Variants in STAG1 observed in about 807,000 individuals in gnomAD.
STAG1 encodes the protein cohesin subunit SA-1.
STAG1 carries 26 observed loss-of-function variants against 170.9 expected under a neutral mutation model. That is an observed-to-expected ratio of 0.15 (90% CI 0.11 to 0.21). STAG1 has a LOEUF of 0.21. Among genes scored for constraint, STAG1 ranks in the 10% least tolerant of loss-of-function variants. The probability of loss-of-function intolerance (pLI) is 1.00; values close to 1 mark genes in which losing one functional copy is unlikely to be tolerated. For missense variants in STAG1, 964 were observed against 1,509.5 expected (o/e 0.64, Z 5.99); for synonymous variants, 514 against 497.7 (o/e 1.03, Z -0.44).
At chr3:136,468,070 G>C (rs910694110) in intron 12 of STAG1, among the ~76,000 whole-genome samples, 1 of 152,152 alleles carries the variant, frequency 6.6e-6, no homozygotes, top group African/African-American at 2.4e-5. Context: ...ATCTAAAATT[G>C]ACAACCTAAC....
intron 5 of STAG1, among the ~76,000 whole-genome samples, chr3:136,562,217 G>C (rs538969607): frequency 6.6e-6 from 1 of 151,738 alleles, no homozygotes; most frequent in South Asian, 2.1e-4. Context: ...GCAGCCACCT[G>C]TCACATTTCT....
At chr3:136,565,112 GAGAA>G (rs1456537156) in intron 5 of STAG1, among the ~76,000 whole-genome samples, 4 of 136,404 alleles carry the variant, frequency 2.9e-5, no homozygotes, top group African/African-American at 8.3e-5. Flanking sequence ...GAGAAAGAGA[GAGAA>G]AGAAAGGAAA....
At chr3:136,398,407 C>T (rs746136387) in intron 22 of STAG1, among the ~76,000 whole-genome samples, 3 of 152,114 alleles carry the variant, frequency 2.0e-5, no homozygotes, top group Admixed American at 6.6e-5. Flanking sequence ...CGTAAGCCAC[C>T]GTGCACGGCC....
At chr3:136,428,859 G>A (rs908359491) in intron 16 of STAG1, among the ~76,000 whole-genome samples, 2 of 152,212 alleles carry the variant, frequency 1.3e-5, no homozygotes, top group African/African-American at 2.4e-5. Flanking sequence ...CACCAGCCAG[G>A]AATGAGGGCT....
In STAG1 at chr3:136,635,942, A is replaced by T. The variant is rs574176483; in HGVS notation, c.-83-4961T>A. 2.0e-5 allele frequency among the ~76,000 whole-genome samples: 3 copies of T among 152,310 alleles called. No homozygotes were observed. The South Asian group carries it at 6.2e-4, about 32-fold the overall frequency. On this transcript the variant is annotated intron_variant, in intron 1 of 33. Coordinates refer to ENST00000383202, the MANE Select transcript of STAG1 (RefSeq NM_005862.3). ...TAGAATCTATATAAGAAAAACAATA[A>T]AATTGTAATGTAAGAAATCCAGAGG...
intron 7 of STAG1, among the ~76,000 whole-genome samples, chr3:136,504,027 G>A (rs140990053): frequency 5.3e-5 from 8 of 152,158 alleles, no homozygotes; most frequent in African/African-American, 1.7e-4. Flanking sequence ...ATGAGCCACC[G>A]CACCCGGCCT....
At chr3:136,602,210 C>T (rs1034168239) in intron 4 of STAG1, among the ~76,000 whole-genome samples, 4 of 151,862 alleles carry the variant, frequency 2.6e-5, no homozygotes, top group African/African-American at 9.7e-5. Context: ...AAAGCCCCGT[C>T]TCTACTAAAA....
At chr3:136,711,063 ATATAT>A (rs1943369468) in intron 1 of STAG1, among the ~76,000 whole-genome samples, 1 of 149,492 alleles carries the variant, frequency 6.7e-6, no homozygotes, top group Non-Finnish European at 1.5e-5. Flanking sequence ...AAAGAAAAAT[ATATAT>A]ATATATATAT....
intron 4 of STAG1, among the ~76,000 whole-genome samples, chr3:136,595,211 A>T (rs1364958146): frequency 6.6e-6 from 1 of 152,174 alleles, no homozygotes; most frequent in Non-Finnish European, 1.5e-5. Flanking sequence ...CCAAAATTCA[A>T]CATGTATTTA....
At chr3:136,341,701 A>T in intron 30 of STAG1, 150 bp from the exon 31 acceptor site, 1 of 605,720 alleles carries the variant, frequency 1.7e-6, no homozygotes, top group East Asian at 2.8e-5. Context: ...AAAAAAGGCA[A>T]TAAGTTGCCC....
chr3:136,619,248 A>T lies in STAG1; in HGVS notation c.132+3898T>A, dbSNP rs575877970. ...GCAGTGCTTATTTAACAAAATTAAA[A>T]CACCATTCACTCATTAAACATTTAC... On this transcript the variant is annotated intron_variant, in intron 3 of 33. Transcript: ENST00000383202. Among the ~76,000 whole-genome samples the T allele has an allele frequency of 3.6e-4, 55 of 150,710 alleles. 1 individual carries two copies. In the East Asian group the frequency reaches 8.4e-3, roughly 23 times the overall value.
At chr3:136,578,095 G>GT (rs1170599130) in intron 4 of STAG1, among the ~76,000 whole-genome samples, 4 of 152,202 alleles carry the variant, frequency 2.6e-5, no homozygotes, top group Non-Finnish European at 4.4e-5. Context: ...AACTACAATA[G>GT]TGAAGGGAGT....
chr3:136,589,422 T>C (rs1323929407), intron 4 of STAG1, among the ~76,000 whole-genome samples: 2 of 151,738 alleles, frequency 1.3e-5, no homozygotes, highest in East Asian at 2.0e-4. Context: ...GGAGAATCGA[T>C]TGAACTCGGA....
chr3:136,591,556 G>GAA (rs746552079), intron 4 of STAG1: 529 of 354,820 alleles, frequency 1.5e-3, no homozygotes, highest in South Asian at 2.2e-3. Context: ...ATCTCTATTT[G>GAA]AAAAAAAAAA....
intron 16 of STAG1, among the ~76,000 whole-genome samples, chr3:136,428,610 T>G (rs992946401): frequency 6.6e-6 from 1 of 152,166 alleles, no homozygotes; most frequent in African/African-American, 2.4e-5. Flanking sequence ...CCTGATAGAA[T>G]ATGATGGAAG....
At chr3:136,453,195 G>A (rs2088995684) in intron 13 of STAG1, among the ~76,000 whole-genome samples, 1 of 151,852 alleles carries the variant, frequency 6.6e-6, no homozygotes. Flanking sequence ...GACATTAATG[G>A]TAAATTAATA....
intron 16 of STAG1, among the ~76,000 whole-genome samples, chr3:136,426,923 C>T (rs889605127): frequency 1.3e-5 from 2 of 151,914 alleles, no homozygotes; most frequent in Admixed American, 6.6e-5. Flanking sequence ...AAAAATTAGC[C>T]AGGTGTGGCG....
chr3:136,574,477 T>TA (rs1217001406), intron 4 of STAG1, among the ~76,000 whole-genome samples: 6 of 152,204 alleles, frequency 3.9e-5, no homozygotes, highest in Non-Finnish European at 7.4e-5. Flanking sequence ...CACACACATA[T>TA]ATACATATAC....
chr3:136,742,542 G>C (rs1319479554), intron 1 of STAG1, among the ~76,000 whole-genome samples: 1 of 151,722 alleles, frequency 6.6e-6, no homozygotes, highest in African/African-American at 2.4e-5. Context: ...GCAAAACCCC[G>C]TCTCCACTAA....
Sources: allele counts gnomAD v4.1 joint callset (sites outside exome capture counted in the v4.1 genomes callset), GRCh38; gene constraint gnomAD v4.1.1; transcripts MANE v1.5; gene names NCBI Gene and HGNC (gene_info 2026-07-23, HGNC 2026-07-21).